MAGI1: variants seen among roughly 807,000 people sequenced by gnomAD.
The protein encoded by MAGI1 is membrane-associated guanylate kinase, WW and PDZ domain-containing protein 1.
A neutral mutation model predicts 139.9 loss-of-function variants in MAGI1; 58 were observed. The ratio of observed to expected loss-of-function variants is 0.41; its 90% CI spans 0.34 to 0.52. MAGI1 has a LOEUF of 0.52. Ranked by LOEUF, MAGI1 falls within the 20% of genes least tolerant of loss-of-function variation. The pLI, the probability that MAGI1 is intolerant of heterozygous loss-of-function variation, is 0.12. For missense variants in MAGI1, 1,874 were observed against 1,901.6 expected, an observed-to-expected ratio of 0.99 and a Z score of 0.27; for synonymous variants, 812 against 737.9, an observed-to-expected ratio of 1.10 and a Z score of -1.63.
At chr3:65,897,102 T>C (rs1008994195) in intron 1 of MAGI1, among the ~76,000 whole-genome samples, 1 of 152,214 alleles carries the variant, frequency 6.6e-6, no homozygotes, top group African/African-American at 2.4e-5. Flanking sequence ...ACAAATGTTA[T>C]GTAAATAGTT....
chr3:65,763,228 T>C (rs1335983774), intron 1 of MAGI1, among the ~76,000 whole-genome samples: 1 of 152,200 alleles, frequency 6.6e-6, no homozygotes, highest in Non-Finnish European at 1.5e-5. Flanking sequence ...AAATAATTCT[T>C]ACCTTCCTTC....
intron 1 of MAGI1, among the ~76,000 whole-genome samples, chr3:65,922,042 G>C (rs544717821): frequency 1.1e-4 from 17 of 152,048 alleles, no homozygotes; most frequent in Non-Finnish European, 2.2e-4. Context: ...TCAAGTACCT[G>C]CCATGTGCTA....
intron 2 of MAGI1, among the ~76,000 whole-genome samples, chr3:65,515,216 G>A (rs150618459): frequency 0.061 from 8,886 of 144,588 alleles, 329 homozygotes; most frequent in Admixed American, 0.091. Flanking sequence ...GCTAGATGAC[G>A]AGTTAGTGGG....
chr3:65,768,508 T>A (rs1399322602), intron 1 of MAGI1, among the ~76,000 whole-genome samples: 2 of 151,644 alleles, frequency 1.3e-5, no homozygotes, highest in Non-Finnish European at 3.0e-5. Context: ...CTCAGTCAAG[T>A]TTTTTCTTCA....
At chr3:65,570,431 A>AG (rs1553671016) in intron 2 of MAGI1, among the ~76,000 whole-genome samples, 12,018 of 151,496 alleles carry the variant, frequency 0.079, 579 homozygotes, top group Admixed American at 0.13. Context: ...AAAAAAAAAA[A>AG]TGTTTAATCA....
intron 3 of MAGI1, among the ~76,000 whole-genome samples, chr3:65,489,821 G>A (rs1035563919): frequency 6.6e-6 from 1 of 152,198 alleles, no homozygotes; most frequent in Non-Finnish European, 1.5e-5. Context: ...CTATATGGAA[G>A]AGGGGAAACA....
chr3:65,372,657 C>G (rs763014766), intron 18 of MAGI1, among the ~76,000 whole-genome samples: 1 of 152,186 alleles, frequency 6.6e-6, no homozygotes, highest in Non-Finnish European at 1.5e-5. Flanking sequence ...TTTGTCTACA[C>G]TGAAAATCTG....
chr3:65,988,914 T>C (rs2066023315), intron 1 of MAGI1, among the ~76,000 whole-genome samples: 1 of 152,172 alleles, frequency 6.6e-6, no homozygotes, highest in Admixed American at 6.5e-5. Context: ...TTTAAAAATA[T>C]ATTTTCTCAT....
chr3:65,434,468 C>T (rs1947692342), intron 10 of MAGI1, among the ~76,000 whole-genome samples: 1 of 152,098 alleles, frequency 6.6e-6, no homozygotes, highest in African/African-American at 2.4e-5. Flanking sequence ...TTATCACTTG[C>T]TAAGATTAGA....
At chr3:65,846,273 A>G (rs1032590477) in intron 1 of MAGI1, among the ~76,000 whole-genome samples, 14 of 152,250 alleles carry the variant, frequency 9.2e-5, no homozygotes, top group East Asian at 1.9e-4. Flanking sequence ...AGTCTGCCTG[A>G]AAACTAGTCT....
chr3:65,930,315 C>CAAAAAAAAAAAAAAAAAAAAAAA (rs58258730), intron 1 of MAGI1, among the ~76,000 whole-genome samples: 2 of 87,626 alleles, frequency 2.3e-5, no homozygotes, highest in Non-Finnish European at 4.5e-5. Context: ...GACTCCGTCT[C>CAAAAAAAAAAAAAAAAAAAAAAA]AAAAAAAAAA....
intron 1 of MAGI1, among the ~76,000 whole-genome samples, chr3:65,753,389 T>A (rs894993098): frequency 1.3e-5 from 2 of 152,148 alleles, no homozygotes; most frequent in African/African-American, 4.8e-5. Flanking sequence ...AAAACACCTA[T>A]GAACTGAGTA....
chr3:65,816,391 C>T (rs954601700), intron 1 of MAGI1, among the ~76,000 whole-genome samples: 1 of 152,176 alleles, frequency 6.6e-6, no homozygotes. Context: ...TTTTACATTT[C>T]ATTTCATTTC....
At chr3:65,841,238 T>C (rs568680256) in intron 1 of MAGI1, among the ~76,000 whole-genome samples, 1 of 152,072 alleles carries the variant, frequency 6.6e-6, no homozygotes, top group Non-Finnish European at 1.5e-5. Flanking sequence ...AGCTTTTTGT[T>C]TCACTGATTT....
chr3:65,875,991 G>GT (rs1182377991), intron 1 of MAGI1, among the ~76,000 whole-genome samples: 2 of 152,072 alleles, frequency 1.3e-5, no homozygotes, highest in East Asian at 3.9e-4. Context: ...CCAAGCATTC[G>GT]TTTTTTAAGG....
intron 1 of MAGI1, among the ~76,000 whole-genome samples, chr3:65,897,261 G>C (rs1396014440): frequency 6.6e-6 from 1 of 152,078 alleles, no homozygotes; most frequent in Non-Finnish European, 1.5e-5. Context: ...TTTTGCATTA[G>C]AAAATTAATG....
chr3:65,408,716 T>C (rs934352533), intron 12 of MAGI1, among the ~76,000 whole-genome samples: 6 of 152,202 alleles, frequency 3.9e-5, no homozygotes, highest in African/African-American at 1.2e-4. Context: ...TTTAAACTGT[T>C]CTCTCTGTAC....
intron 2 of MAGI1, among the ~76,000 whole-genome samples, chr3:65,587,815 G>C (rs1197127014): frequency 6.6e-6 from 1 of 152,128 alleles, no homozygotes; most frequent in Non-Finnish European, 1.5e-5. Context: ...AGATTGAGTT[G>C]TAACTCGACC....
chr3:65,950,044 C>CAAAAA (rs143046732), intron 1 of MAGI1, among the ~76,000 whole-genome samples: 1 of 49,784 alleles, frequency 2.0e-5, no homozygotes, highest in African/African-American at 8.5e-5. Context: ...GCCAGATCAT[C>CAAAAA]AAAAAAAAAA....
Sources: allele counts gnomAD v4.1 joint callset (sites outside exome capture counted in the v4.1 genomes callset), GRCh38; gene constraint gnomAD v4.1.1; transcripts MANE v1.5; gene names NCBI Gene and HGNC (gene_info 2026-07-23, HGNC 2026-07-21).